The following SPPL3 variants were observed in gnomAD, a reference collection of about 807,000 sequenced individuals.
The protein encoded by SPPL3 is signal peptide peptidase like 3.
A neutral mutation model predicts 42.4 loss-of-function variants in SPPL3; 5 were observed. The ratio of observed to expected loss-of-function variants is 0.12; its 90% CI spans 0.06 to 0.25. SPPL3 has a LOEUF of 0.25. Among genes scored for constraint, SPPL3 ranks in the 10% least tolerant of loss-of-function variants. The pLI, the probability that SPPL3 is intolerant of heterozygous loss-of-function variation, is 1.00. For missense variants in SPPL3, 235 were observed against 489.0 expected (o/e 0.48, Z 4.90); for synonymous variants, 195 against 181.8 (o/e 1.07, Z -0.58).
intron 1 of SPPL3, among the ~76,000 whole-genome samples, chr12:120,820,585 G>A (rs1307409305): frequency 6.6e-6 from 1 of 151,830 alleles, no homozygotes; most frequent in Non-Finnish European, 1.5e-5. Context: ...CAAAGTGCTG[G>A]GATTACAGGC....
chr12:120,899,883 T>C (rs1407094539), intron 1 of SPPL3, among the ~76,000 whole-genome samples: 2 of 87,286 alleles, frequency 2.3e-5, no homozygotes, highest in East Asian at 3.1e-4. Context: ...AGCAAGACCC[T>C]GTCTCAAAAA....
intron 1 of SPPL3, among the ~76,000 whole-genome samples, chr12:120,824,849 C>T (rs765004167): frequency 2.6e-5 from 4 of 152,172 alleles, no homozygotes; most frequent in Non-Finnish European, 5.9e-5. Context: ...AAACTTTTGA[C>T]ACTGTTTTTC....
Position 120,883,086 on chromosome 12 carries a change from C to T in SPPL3, c.23+20759G>A, listed in dbSNP as rs562895395. Among the ~76,000 whole-genome samples, 27 of 151,734 alleles carry T rather than the reference C, an allele frequency of 1.8e-4. 1 individual carries two copies. The highest frequency in any genetic ancestry group is 4.9e-5 in the African/African-American group (2 of 41,150). On this transcript the variant is annotated intron_variant, in intron 1 of 10. Transcript: ENST00000353487. ...TTGGGAGGCTGAGGCAGGCAGATCA[C>T]GAGGTCAGGAGATCAAGACCATCCT...
At chr12:120,902,277 G>A (rs1416025354) in intron 1 of SPPL3, among the ~76,000 whole-genome samples, 1 of 152,130 alleles carries the variant, frequency 6.6e-6, no homozygotes, top group Non-Finnish European at 1.5e-5. Context: ...CATCAATGAA[G>A]TTCTCTTAAG....
At chr12:120,798,702 A>G (rs911011898) in intron 2 of SPPL3, among the ~76,000 whole-genome samples, 1 of 152,252 alleles carries the variant, frequency 6.6e-6, no homozygotes, top group Non-Finnish European at 1.5e-5. Flanking sequence ...TGGAATAACA[A>G]TAACTACACT....
At chr12:120,801,297 TTCTC>T (rs1209851238) in intron 2 of SPPL3, among the ~76,000 whole-genome samples, 2 of 152,150 alleles carry the variant, frequency 1.3e-5, no homozygotes, top group South Asian at 2.1e-4. Flanking sequence ...GGGCCTCCTC[TTCTC>T]TCTCTCTCAT....
chr12:120,863,805 CTTT>C (rs34937059), intron 1 of SPPL3, among the ~76,000 whole-genome samples: 162 of 141,922 alleles, frequency 1.1e-3, no homozygotes, highest in Non-Finnish European at 1.5e-3. Context: ...CCACATTTAG[CTTT>C]TTTTTTTTTT....
chr12:120,789,465 A>G (rs1592963096), intron 3 of SPPL3, among the ~76,000 whole-genome samples: 1 of 151,082 alleles, frequency 6.6e-6, no homozygotes, highest in Non-Finnish European at 1.5e-5. Context: ...AAAAAAAAGA[A>G]AAAAAGCATT....
intron 1 of SPPL3, among the ~76,000 whole-genome samples, chr12:120,854,910 C>T (rs1487972495): frequency 6.6e-6 from 1 of 152,180 alleles, no homozygotes; most frequent in Non-Finnish European, 1.5e-5. Flanking sequence ...ATATTTATGA[C>T]ATTCAAGATC....
At chr12:120,842,005 A>G (rs945943546) in intron 1 of SPPL3, among the ~76,000 whole-genome samples, 12 of 152,232 alleles carry the variant, frequency 7.9e-5, no homozygotes, top group Non-Finnish European at 1.6e-4. Flanking sequence ...TATTACATCT[A>G]AAACTTCCAT....
At chr12:120,866,509 C>T (rs542102751) in intron 1 of SPPL3, among the ~76,000 whole-genome samples, 5 of 151,516 alleles carry the variant, frequency 3.3e-5, no homozygotes, top group South Asian at 2.1e-4. Context: ...AATAGTAAGG[C>T]ATAATTTACC....
At chr12:120,793,628 G>A (rs954629473) in intron 2 of SPPL3, among the ~76,000 whole-genome samples, 1 of 152,226 alleles carries the variant, frequency 6.6e-6, no homozygotes, top group Non-Finnish European at 1.5e-5. Flanking sequence ...GTGAACTGGT[G>A]CAGACACTTT....
intron 1 of SPPL3, chr12:120,902,094 G>A (rs1292409254): frequency 1.5e-5 from 3 of 195,736 alleles, no homozygotes; most frequent in Non-Finnish European, 2.8e-5. Flanking sequence ...TGTCCAGAAG[G>A]AAGCTGAAAT....
intron 3 of SPPL3, among the ~76,000 whole-genome samples, chr12:120,790,699 T>C (rs1404181017): frequency 4.6e-5 from 7 of 152,256 alleles, no homozygotes; most frequent in Non-Finnish European, 4.4e-5. Context: ...TGATTTCATC[T>C]GTAGAGCTTC....
intron 1 of SPPL3, among the ~76,000 whole-genome samples, chr12:120,835,154 T>C (rs1871568198): frequency 6.6e-6 from 1 of 152,184 alleles, no homozygotes; most frequent in African/African-American, 2.4e-5. Flanking sequence ...TTTAATGATG[T>C]CTAACAATAT....
chr12:120,767,682 G>T, intron 8 of SPPL3, 89 bp from the exon 9 acceptor site: 1 of 1,310,458 alleles, frequency 7.6e-7, no homozygotes, highest in Non-Finnish European at 1.1e-6. Flanking sequence ...TTTTTAAGGA[G>T]TCAAAGAGCT....
chr12:120,900,543 G>A (rs1316309387), intron 1 of SPPL3, among the ~76,000 whole-genome samples: 3 of 149,870 alleles, frequency 2.0e-5, no homozygotes, highest in African/African-American at 7.4e-5. Context: ...AGGCACTGCT[G>A]TGATCTTGCC....
chr12:120,853,945 T>G (rs932940124), intron 1 of SPPL3, among the ~76,000 whole-genome samples: 13 of 141,420 alleles, frequency 9.2e-5, no homozygotes, highest in South Asian at 2.2e-4. Context: ...CAAAACCACA[T>G]GAAAACAAAC....
chr12:120,817,778 T>C (rs1870930293), intron 1 of SPPL3, among the ~76,000 whole-genome samples: 1 of 152,216 alleles, frequency 6.6e-6, no homozygotes, highest in African/African-American at 2.4e-5. Context: ...GTTTCAAAAA[T>C]GTCTAAAGGT....
Sources: allele counts gnomAD v4.1 joint callset (sites outside exome capture counted in the v4.1 genomes callset), GRCh38; gene constraint gnomAD v4.1.1; transcripts MANE v1.5; gene names NCBI Gene and HGNC (gene_info 2026-07-23, HGNC 2026-07-21).